Variants in ERG observed in about 807,000 individuals in gnomAD.
ERG encodes transcriptional regulator ERG.
Under a neutral mutation model 55.3 loss-of-function variants are expected in ERG, and 9 were observed. The ratio of observed to expected loss-of-function variants is 0.16; its 90% CI spans 0.10 to 0.28. ERG has a LOEUF of 0.28. Ranked by LOEUF, ERG falls within the 10% of genes least tolerant of loss-of-function variation. The probability of loss-of-function intolerance (pLI) is 1.00; values close to 1 mark genes in which losing one functional copy is unlikely to be tolerated. For missense variants in ERG, 434 were observed against 631.6 expected (o/e 0.69, Z 3.35); for synonymous variants, 223 against 237.3 (o/e 0.94, Z 0.55).
Position 38,382,862 on chromosome 21 carries a change from A to G in ERG, c.*541T>C, listed in dbSNP as rs1374306402. ...ATCAAACGGAATGTATTTGATTTCAACCAAAACAGCACATGCCATGCAGTT... is the reference window on the plus strand; with the variant it reads ...ATCAAACGGAATGTATTTGATTTCAGCCAAAACAGCACATGCCATGCAGTT... On this transcript the variant is annotated 3_prime_UTR_variant, in exon 10 of 10. Transcript: ENST00000288319. The G allele has an allele frequency of 1.9e-6, 2 of 1,066,394 alleles. No homozygotes were observed. Among genetic ancestry groups the G allele is most frequent in the Non-Finnish European group, 2.3e-6 (2 of 879,674 alleles). 66.1% of individuals were successfully genotyped at this position (1,066,394 alleles called of 1,614,324 possible).
intron 1 of ERG, among the ~76,000 whole-genome samples, chr21:38,647,422 C>CT (rs1178256812): frequency 6.6e-6 from 1 of 152,104 alleles, no homozygotes; most frequent in Non-Finnish European, 1.5e-5. Flanking sequence ...CGTCTTATTC[C>CT]TTTTCTGTAT....
At chr21:38,594,781 T>C (rs2060121464) in intron 1 of ERG, among the ~76,000 whole-genome samples, 1 of 152,076 alleles carries the variant, frequency 6.6e-6, no homozygotes, top group African/African-American at 2.4e-5. Flanking sequence ...AGAAATCAAA[T>C]GCAGCTTGCA....
intron 1 of ERG, among the ~76,000 whole-genome samples, chr21:38,628,333 C>G (rs986995461): frequency 1.3e-5 from 2 of 152,118 alleles, no homozygotes; most frequent in Non-Finnish European, 2.9e-5. Flanking sequence ...ACAAAGACCA[C>G]AGAGTCATAA....
At chr21:38,530,315 C>T (rs1003765414) in intron 2 of ERG, among the ~76,000 whole-genome samples, 2 of 152,160 alleles carry the variant, frequency 1.3e-5, no homozygotes, top group Admixed American at 6.5e-5. Flanking sequence ...CCGCCTCGGC[C>T]TCCCAAAGTG....
At chr21:38,653,784 C>T (rs1342855000) in intron 1 of ERG, among the ~76,000 whole-genome samples, 1 of 152,180 alleles carries the variant, frequency 6.6e-6, no homozygotes. Context: ...CTTATGCTCC[C>T]ACCTCTTGTT....
At position 38,567,093 on chromosome 21, in the gene ERG, A is replaced by C. The variant is rs146983217; in HGVS notation, c.-41+8569T>G. Among the ~76,000 whole-genome samples, 912 of 152,208 alleles carry C rather than the reference A, an allele frequency of 6.0e-3. 25 individuals carry two copies. Among genetic ancestry groups the C allele is most frequent in the Admixed American group, 0.042 (643 of 15,286 alleles). On this transcript the variant is annotated intron_variant, in intron 2 of 8. Transcript: ENST00000398897. ...CAGACTGGGGGGGGGATTGTGCAGC[A>C]TGTCTGGGGAACACTTCACTACTTC...
chr21:38,465,300 T>C (rs2059078562), intron 1 of ERG, among the ~76,000 whole-genome samples: 1 of 152,144 alleles, frequency 6.6e-6, no homozygotes, highest in Non-Finnish European at 1.5e-5. Context: ...GAAAAGCCGA[T>C]CTGAAAAGAC....
intron 1 of ERG, among the ~76,000 whole-genome samples, chr21:38,611,929 G>GA (rs35937616): frequency 0.23 from 34,614 of 152,024 alleles, 4,626 homozygotes; most frequent in Non-Finnish European, 0.31. Context: ...TGGGCAGGAG[G>GA]AAAAAAAGCG....
At chr21:38,525,676 T>A (rs532587264) in intron 2 of ERG, among the ~76,000 whole-genome samples, 2 of 152,190 alleles carry the variant, frequency 1.3e-5, no homozygotes, top group Non-Finnish European at 2.9e-5. Context: ...GTCAGCTTTT[T>A]ATGGGGGAGG....
At chr21:38,635,505 C>T (rs565192643) in intron 1 of ERG, among the ~76,000 whole-genome samples, 68 of 151,924 alleles carry the variant, frequency 4.5e-4, no homozygotes, top group Non-Finnish European at 9.1e-4. Flanking sequence ...GTGAGTAATT[C>T]GATAAATGAA....
chr21:38,579,977 C>T (rs892533186), intron 1 of ERG, among the ~76,000 whole-genome samples: 1 of 152,134 alleles, frequency 6.6e-6, no homozygotes, highest in African/African-American at 2.4e-5. Context: ...CCCACCACCA[C>T]GCCTGGCTAA....
At chr21:38,542,519 G>A (rs547649391) in intron 2 of ERG, among the ~76,000 whole-genome samples, 1 of 152,296 alleles carries the variant, frequency 6.6e-6, no homozygotes, top group South Asian at 2.1e-4. Context: ...TGGGTTTAGA[G>A]GGTCTTCAAA....
At chr21:38,417,516 C>T (rs8127488) in intron 3 of ERG, among the ~76,000 whole-genome samples, 37,566 of 152,138 alleles carry the variant, frequency 0.25, 4,961 homozygotes, top group South Asian at 0.41. Flanking sequence ...AGGCCAGGCC[C>T]GGTGGCTCAC....
chr21:38,611,247 C>T (rs1460949292), intron 1 of ERG, among the ~76,000 whole-genome samples: 2 of 152,304 alleles, frequency 1.3e-5, no homozygotes, highest in Admixed American at 1.3e-4. Context: ...TCCCATGTTC[C>T]CTGCTTCAAA....
At chr21:38,592,948 TC>T (rs1158812757) in intron 1 of ERG, among the ~76,000 whole-genome samples, 1 of 152,188 alleles carries the variant, frequency 6.6e-6, no homozygotes, top group Non-Finnish European at 1.5e-5. Flanking sequence ...CAGTGCGTCT[TC>T]CCATTTTTTA....
intron 1 of ERG, among the ~76,000 whole-genome samples, chr21:38,484,427 G>A (rs545822153): frequency 1.2e-3 from 182 of 152,252 alleles, no homozygotes; most frequent in Non-Finnish European, 2.0e-3. Context: ...TCTCCCCATT[G>A]CACAAACACA....
chr21:38,429,950 C>T (rs1370973719), intron 2 of ERG, among the ~76,000 whole-genome samples: 1 of 152,180 alleles, frequency 6.6e-6, no homozygotes, highest in African/African-American at 2.4e-5. Context: ...ATACTGTTTT[C>T]CACAGTGGTT....
At chr21:38,539,083 A>C (rs1357341603) in intron 2 of ERG, among the ~76,000 whole-genome samples, 1 of 152,220 alleles carries the variant, frequency 6.6e-6, no homozygotes, top group Admixed American at 6.5e-5. Context: ...CCATATTGTG[A>C]GCTGAAGGCA....
intron 1 of ERG, among the ~76,000 whole-genome samples, chr21:38,484,295 C>G (rs575386471): frequency 1.3e-5 from 2 of 152,066 alleles, no homozygotes; most frequent in Admixed American, 1.3e-4. Context: ...TCATGATTAA[C>G]CAGCAATATG....
Sources: allele counts gnomAD v4.1 joint callset (sites outside exome capture counted in the v4.1 genomes callset), GRCh38; gene constraint gnomAD v4.1.1; transcripts MANE v1.5; gene names NCBI Gene and HGNC (gene_info 2026-07-23, HGNC 2026-07-21).